Variants in SLC6A11 observed in about 807,000 individuals in gnomAD.
The protein encoded by SLC6A11 is solute carrier family 6 member 11, also known as sodium- and chloride-dependent GABA transporter 3.
In SLC6A11, 25 loss-of-function variants were observed where a neutral mutation model predicts 74.8. The ratio of observed to expected loss-of-function variants is 0.33; its 90% CI spans 0.24 to 0.47. The LOEUF (loss-of-function observed/expected upper bound fraction) is 0.47. SLC6A11 is among the 20% of genes least tolerant of loss of function. SLC6A11 has a pLI of 1.00. For missense variants in SLC6A11, 574 were observed against 837.0 expected (o/e 0.69, Z 3.88); for synonymous variants, 330 against 330.2 (o/e 1.00, Z 0.01).
intron 6 of SLC6A11, among the ~76,000 whole-genome samples, chr3:10,887,835 A>T (rs953596287): frequency 1.3e-5 from 2 of 152,242 alleles, no homozygotes; most frequent in East Asian, 1.9e-4. Context: ...GTCTGCAGAT[A>T]TGCAGGAAAT....
intron 4 of SLC6A11, among the ~76,000 whole-genome samples, chr3:10,840,797 T>A (rs144038519): frequency 1.4e-3 from 215 of 152,312 alleles, no homozygotes; most frequent in African/African-American, 5.0e-3. Context: ...TTGGGCAAGT[T>A]ACTTCGCCTC....
rs999340534 is a variant in SLC6A11, at chr3:10,875,128, C to G, written c.891+33C>G. 6.4e-6 allele frequency: 10 copies of G among 1,553,372 alleles called. No individual in the cohort carries two copies. In the African/African-American group the frequency reaches 1.4e-4, roughly 21 times the overall value. On this transcript the variant is annotated intron_variant, in intron 6 of 13. Transcript: ENST00000254488. Reference sequence around the variant, plus strand: ...TCGCTTGCTCAATGTGCAGCATCACCCACCACCACTGGGAAGCCTTCTGCA... The same window carrying G: ...TCGCTTGCTCAATGTGCAGCATCACGCACCACCACTGGGAAGCCTTCTGCA...
At chr3:10,873,745 A>T (rs1415481040) in intron 5 of SLC6A11, among the ~76,000 whole-genome samples, 1 of 141,514 alleles carries the variant, frequency 7.1e-6, no homozygotes. Context: ...GTCCCGTCCC[A>T]TGCTATCCTG....
intron 5 of SLC6A11, among the ~76,000 whole-genome samples, chr3:10,857,878 A>G (rs1307772344): frequency 2.0e-5 from 3 of 152,266 alleles, no homozygotes; most frequent in Non-Finnish European, 4.4e-5. Context: ...AGAGCAAATT[A>G]TAAATAAAAC....
rs1694110782 is a variant in SLC6A11, at chr3:10,819,597, A to G, written c.389A>G (p.Glu130Gly). The stretch of plus-strand genomic sequence containing the variant: ...TGGAGGAAAGTTTGCCCTTTATTTG[A>G]AGGTATGTGTTGAGTTAATGAGAAA... ...TCWRKVCPLF[E>G]GIGYATQVIE... The change falls in exon 2 of 14, where the codon GAA becomes GGA. Residue 130 changes from glutamate to glycine, a missense_variant and splice_region_variant. Physicochemically the swap from Glu to Gly is moderately conservative, Grantham distance 98 (BLOSUM62 -2). Around this residue, in one of 4 missense-constraint regions of SLC6A11, gnomAD observed 215 missense variants for 357.9 expected, o/e 0.60. Transcript: ENST00000254488. The G allele has an allele frequency of 1.9e-6, 3 of 1,613,940 alleles. No individual in the cohort carries two copies. Among genetic ancestry groups the G allele is most frequent in the Non-Finnish European group, 2.5e-6 (3 of 1,179,948 alleles).
intron 6 of SLC6A11, among the ~76,000 whole-genome samples, chr3:10,891,808 A>G (rs1559573676): frequency 6.6e-6 from 1 of 152,220 alleles, no homozygotes; most frequent in Middle Eastern, 3.2e-3. Flanking sequence ...TAGACCAGAC[A>G]TGGAATCAGG....
intron 3 of SLC6A11, among the ~76,000 whole-genome samples, chr3:10,821,509 C>A (rs2596847): frequency 0.59 from 89,865 of 152,098 alleles, 30,367 homozygotes; most frequent in East Asian, 0.94. Flanking sequence ...CTCAAATAGT[C>A]CATGGAGGAA....
At chr3:10,855,059 G>T (rs1694622078) in intron 5 of SLC6A11, among the ~76,000 whole-genome samples, 1 of 152,104 alleles carries the variant, frequency 6.6e-6, no homozygotes, top group Non-Finnish European at 1.5e-5. Flanking sequence ...GTAGGGAATT[G>T]GGAGATGGGT....
At chr3:10,931,997 T>G (rs76007414) in intron 10 of SLC6A11, among the ~76,000 whole-genome samples, 1 of 152,204 alleles carries the variant, frequency 6.6e-6, no homozygotes, top group East Asian at 1.9e-4. Context: ...CCTAATGCAC[T>G]GTCCTGGTAT....
intron 5 of SLC6A11, among the ~76,000 whole-genome samples, chr3:10,857,421 T>C (rs1694651803): frequency 6.6e-6 from 1 of 152,172 alleles, no homozygotes; most frequent in African/African-American, 2.4e-5. Flanking sequence ...AGGGGGTGTG[T>C]TTTGGGAAAG....
rs1695093538 is a variant in SLC6A11 at position 10,890,380 on chromosome 3, T to C, written c.891+15285T>C. Among the ~76,000 whole-genome samples the C allele has an allele frequency of 4.6e-5, 7 of 152,280 alleles. No individual in the cohort carries two copies. In the South Asian group the frequency reaches 1.4e-3, roughly 32 times the overall value. On this transcript the variant is annotated intron_variant, in intron 6 of 13. Transcript: ENST00000254488. ...GTCAAGACCTGAACCATGGCCACAG[T>C]TGTCTTTGGAAGAAAAGACTGCAAC...
At chr3:10,894,467 C>T (rs570177100) in intron 6 of SLC6A11, among the ~76,000 whole-genome samples, 5 of 152,318 alleles carry the variant, frequency 3.3e-5, no homozygotes, top group African/African-American at 1.2e-4. Flanking sequence ...CTCATTTACA[C>T]CACCTCTCCT....
intron 6 of SLC6A11, among the ~76,000 whole-genome samples, chr3:10,878,147 G>T (rs983841080): frequency 6.6e-6 from 1 of 152,144 alleles, no homozygotes; most frequent in Non-Finnish European, 1.5e-5. Flanking sequence ...ATTCTCCTGG[G>T]ATTCCCTGTG....
At chr3:10,934,300 C>G (rs1695730028) in intron 12 of SLC6A11, 134 bp downstream of exon 12, 1 of 627,166 alleles carries the variant, frequency 1.6e-6, no homozygotes, top group South Asian at 2.0e-5. Flanking sequence ...TTCAGGCCAC[C>G]TTACAAAGCT....
At chr3:10,868,154 C>T (rs1694787338) in intron 5 of SLC6A11, among the ~76,000 whole-genome samples, 1 of 152,164 alleles carries the variant, frequency 6.6e-6, no homozygotes, top group African/African-American at 2.4e-5. Flanking sequence ...TAAATGCCAG[C>T]CCAGAGAGGG....
Position 10,940,154 on chromosome 3 carries a change from C to A in SLC6A11, c.*1752C>A, listed in dbSNP as rs1695808045. On this transcript the variant is annotated 3_prime_UTR_variant, in exon 14 of 14. Coordinates refer to ENST00000254488, the MANE Select transcript of SLC6A11 (RefSeq NM_014229.3). Reference sequence around the variant, plus strand: ...ACGGGAAGCCTAGCCTGGGCCCCCTCTGTGCACACAGTTCAGGCCTGCCCA... The same window carrying A: ...ACGGGAAGCCTAGCCTGGGCCCCCTATGTGCACACAGTTCAGGCCTGCCCA... The A allele has an allele frequency of 6.6e-6, 1 of 152,318 alleles. No individual in the cohort carries two copies. Among genetic ancestry groups the A allele is most frequent in the Admixed American group, 6.5e-5 (1 of 15,282 alleles). 9.4% of individuals were successfully genotyped at this position (152,318 alleles called of 1,614,324 possible).
At chr3:10,929,700 C>T (rs565600517) in intron 10 of SLC6A11, among the ~76,000 whole-genome samples, 31 of 152,318 alleles carry the variant, frequency 2.0e-4, no homozygotes, top group Non-Finnish European at 2.9e-4. Context: ...ACAGCATTTA[C>T]CTATGAGTGG....
At chr3:10,873,776 T>TCCTGTCCTATCCTATCCTGC (rs1694870564) in intron 5 of SLC6A11, among the ~76,000 whole-genome samples, 1 of 151,302 alleles carries the variant, frequency 6.6e-6, no homozygotes, top group East Asian at 2.0e-4. Context: ...TCCTGTCCTG[T>TCCTGTCCTATCCTATCCTGC]CCTGTCCTAT....
chr3:10,877,546 G>A (rs1694924718), intron 6 of SLC6A11, among the ~76,000 whole-genome samples: 1 of 152,142 alleles, frequency 6.6e-6, no homozygotes, highest in African/African-American at 2.4e-5. Flanking sequence ...GACTGCACAG[G>A]TACTTCCTGC....
Sources: allele counts gnomAD v4.1 joint callset (sites outside exome capture counted in the v4.1 genomes callset), GRCh38; gene constraint gnomAD v4.1.1; regional missense constraint gnomAD v4.1.1; transcripts MANE v1.5; gene names NCBI Gene and HGNC (gene_info 2026-07-23, HGNC 2026-07-21).